The following N4BP2 variants were observed in gnomAD, a reference collection of about 807,000 sequenced individuals.
N4BP2 encodes the protein NEDD4-binding protein 2.
A neutral mutation model predicts 152.8 loss-of-function variants in N4BP2; 91 were observed. That is an observed-to-expected ratio of 0.60 (90% CI 0.50 to 0.71). N4BP2 has a LOEUF of 0.71. N4BP2 is among the 30% of genes least tolerant of loss of function. N4BP2 has a pLI of 0.00. For synonymous variants in N4BP2, 646 were observed against 705.3 expected, an observed-to-expected ratio of 0.92 and a Z score of 1.33; for missense variants, 1,923 against 2,059.1, an observed-to-expected ratio of 0.93 and a Z score of 1.28.
chr4:40,147,412 T>G (rs1720651337), intron 16 of N4BP2, among the ~76,000 whole-genome samples: 1 of 152,176 alleles, frequency 6.6e-6, no homozygotes, highest in African/African-American at 2.4e-5. Context: ...TGGCACGTTC[T>G]CAATGAGCTG....
At chr4:40,059,353 G>T (rs936035094) in intron 1 of N4BP2, among the ~76,000 whole-genome samples, 1 of 151,946 alleles carries the variant, frequency 6.6e-6, no homozygotes, top group Non-Finnish European at 1.5e-5. Flanking sequence ...AGTAGTTTAT[G>T]TTAGGAATTT....
chr4:40,184,710 C>T, the N4BP2 span, among the ~76,000 whole-genome samples: 3 of 152,018 alleles, frequency 2.0e-5, no homozygotes, highest in South Asian at 2.1e-4. Context: ...AATCCCAGCA[C>T]TTTGGGAGGC....
chr4:40,187,141 C>T, the N4BP2 span, among the ~76,000 whole-genome samples: 15 of 152,200 alleles, frequency 9.9e-5, 1 homozygote, highest in Non-Finnish European at 2.2e-4. Context: ...TGAATCTGGC[C>T]TCCCAAAGCT....
At chr4:40,169,142 G>A in the N4BP2 span, among the ~76,000 whole-genome samples, 1 of 152,080 alleles carries the variant, frequency 6.6e-6, no homozygotes, top group Non-Finnish European at 1.5e-5. Flanking sequence ...CAGCACTTTG[G>A]GAGGCCAAGG....
chr4:40,082,026 C>T (rs1182359265), intron 2 of N4BP2, among the ~76,000 whole-genome samples: 1 of 152,144 alleles, frequency 6.6e-6, no homozygotes, highest in Non-Finnish European at 1.5e-5. Flanking sequence ...ACAGGAGACT[C>T]GCTTGAATCT....
intron 1 of N4BP2, among the ~76,000 whole-genome samples, chr4:40,065,984 G>A (rs1734007926): frequency 6.6e-6 from 1 of 151,930 alleles, no homozygotes; most frequent in African/African-American, 2.4e-5. Context: ...AGGCTGGAGT[G>A]CAGTGGCGTG....
chr4:40,172,242 G>T, the N4BP2 span, among the ~76,000 whole-genome samples: 3 of 152,030 alleles, frequency 2.0e-5, no homozygotes, highest in African/African-American at 7.3e-5. Context: ...ATGTTCTTCT[G>T]CCTGCATTTA....
At position 40,142,798 on chromosome 4, in the gene N4BP2, C is replaced by T. The variant is rs1720153439; in HGVS notation, c.4911C>T (p.Tyr1637=). 2 of 1,614,022 alleles carry T rather than the reference C, an allele frequency of 1.2e-6. No homozygotes were observed. The highest frequency in any genetic ancestry group is 1.7e-6 in the Non-Finnish European group (2 of 1,179,998). ...FLHQQKRMEC[Y]SKAKEAYRIG... ...ACCAACAGAAGAGGATGGAGTGCTA[C>T]AGCAAGGCCAAAGAAGCTTATCGGA... The change falls in exon 15 of 18, where the codon TAC becomes TAT. Residue 1637 remains tyrosine, a synonymous_variant. Coordinates refer to ENST00000261435, the MANE Select transcript of N4BP2 (RefSeq NM_018177.6).
intron 1 of N4BP2, among the ~76,000 whole-genome samples, chr4:40,058,535 T>G (rs369147671): frequency 6.6e-6 from 1 of 152,282 alleles, no homozygotes; most frequent in East Asian, 1.9e-4. Flanking sequence ...AAGACTAACC[T>G]GTAAAACAAT....
intron 10 of N4BP2, among the ~76,000 whole-genome samples, chr4:40,123,533 T>G (rs1216281251): frequency 6.6e-6 from 1 of 152,184 alleles, no homozygotes; most frequent in Non-Finnish European, 1.5e-5. Flanking sequence ...GTTGCCCTGG[T>G]TGAGTGCAGT....
At chr4:40,104,521 A>G (rs963045255) in intron 4 of N4BP2, among the ~76,000 whole-genome samples, 7 of 151,942 alleles carry the variant, frequency 4.6e-5, no homozygotes, top group East Asian at 1.9e-4. Flanking sequence ...AGGCTTTTCT[A>G]ACTGACTTAA....
chr4:40,143,634 C>T (rs954452999), intron 15 of N4BP2, among the ~76,000 whole-genome samples: 3 of 152,134 alleles, frequency 2.0e-5, no homozygotes, highest in Non-Finnish European at 4.4e-5. Context: ...TTTGTGTTGC[C>T]ATATGGGTTA....
At chr4:40,117,654 AT>A (rs532460537) in intron 7 of N4BP2, among the ~76,000 whole-genome samples, 18 of 151,906 alleles carry the variant, frequency 1.2e-4, no homozygotes, top group East Asian at 9.6e-4. Flanking sequence ...AAATACTAGA[AT>A]TTTTTTTCTT....
chr4:40,070,831 C>CT (rs531129011), intron 1 of N4BP2, among the ~76,000 whole-genome samples: 110 of 143,812 alleles, frequency 7.6e-4, no homozygotes, highest in African/African-American at 1.2e-3. Context: ...TTTTTTTCTT[C>CT]TTTTTTTTTT....
the N4BP2 span, among the ~76,000 whole-genome samples, chr4:40,181,670 G>T: frequency 1.3e-5 from 2 of 152,156 alleles, no homozygotes; most frequent in Admixed American, 6.5e-5. Context: ...AAGAAGTCCG[G>T]GTGCGGTGGC....
intron 12 of N4BP2, among the ~76,000 whole-genome samples, chr4:40,129,236 G>T (rs1281032693): frequency 2.0e-5 from 3 of 150,692 alleles, no homozygotes; most frequent in African/African-American, 4.9e-5. Context: ...GTTTTGTTTT[G>T]TTTTTTTTGA....
rs765938507 is a variant in N4BP2, at chr4:40,118,018, G to A, written c.1814G>A (p.Ser605Asn). 6.4e-7 allele frequency: 1 copy of A among 1,573,360 alleles called. No individual in the cohort carries two copies. Among genetic ancestry groups the A allele is most frequent in the Non-Finnish European group, 8.6e-7 (1 of 1,162,188 alleles). ...TGTGCATATTCTTGTGAGGATAGAAGCACTAGGTAGGTTAAAATGCCTTAT... is the reference window on the plus strand; with the variant it reads ...TGTGCATATTCTTGTGAGGATAGAAACACTAGGTAGGTTAAAATGCCTTAT... Reference protein sequence around the residue: ...ELCAYSCEDRSTSPRDDEDII... With the variant: ...ELCAYSCEDRNTSPRDDEDII... Residue 605 changes from serine to asparagine, a missense_variant, in exon 8 of 18, where the codon AGC becomes AAC. Ser to Asn is a conservative substitution (Grantham distance 46). Transcript: ENST00000261435.
chr4:40,067,018 A>T (rs988401232), intron 1 of N4BP2, among the ~76,000 whole-genome samples: 1 of 150,598 alleles, frequency 6.6e-6, no homozygotes, highest in African/African-American at 2.4e-5. Context: ...TAATGTCCTC[A>T]AGATTCTTCC....
chr4:40,114,231 G>C (rs1717156323), intron 7 of N4BP2, among the ~76,000 whole-genome samples: 1 of 151,978 alleles, frequency 6.6e-6, no homozygotes, highest in Non-Finnish European at 1.5e-5. Flanking sequence ...TTTTGGTTAG[G>C]CTATTTTTTT....
Sources: gnomAD v4.1 joint callset for allele counts (sites outside exome capture counted in the v4.1 genomes callset) on GRCh38, gnomAD v4.1.1 for gene constraint, MANE v1.5 for transcripts, NCBI Gene and HGNC (gene_info 2026-07-23, HGNC 2026-07-21) for gene names.